Variants in ARL15 observed in about 807,000 individuals in gnomAD.
ARL15 encodes the protein ARF like GTPase 15.
Under a neutral mutation model 25.2 loss-of-function variants are expected in ARL15, and 19 were observed. That is an observed-to-expected ratio of 0.75 (90% confidence interval 0.53 to 1.10). The LOEUF is 1.10. ARL15 is among the 50% of genes least tolerant of loss of function. ARL15 has a pLI of 0.00. For missense variants in ARL15, 220 were observed against 246.0 expected (o/e 0.89, Z 0.71); for synonymous variants, 94 against 86.8 (o/e 1.08, Z -0.46).
At chr5:54,085,376 T>C (rs1751933154) in intron 4 of ARL15, among the ~76,000 whole-genome samples, 1 of 152,156 alleles carries the variant, frequency 6.6e-6, no homozygotes, top group Admixed American at 6.5e-5. Flanking sequence ...GCAAAGCAAT[T>C]TGAAATAGCA....
At chr5:53,891,743 T>C (rs1744715637) in intron 4 of ARL15, among the ~76,000 whole-genome samples, 1 of 152,018 alleles carries the variant, frequency 6.6e-6, no homozygotes, top group Non-Finnish European at 1.5e-5. Context: ...TGCGAGGTGG[T>C]TGTGGTGGGG....
intron 4 of ARL15, among the ~76,000 whole-genome samples, chr5:53,983,808 GGAT>G (rs1226602781): frequency 1.3e-5 from 2 of 152,106 alleles, no homozygotes; most frequent in East Asian, 3.9e-4. Flanking sequence ...GCCAGACTCC[GGAT>G]GATTCCCAAC....
chr5:54,136,978 TCTC>T (rs1753624678), intron 3 of ARL15, among the ~76,000 whole-genome samples: 1 of 152,010 alleles, frequency 6.6e-6, no homozygotes, highest in African/African-American at 2.4e-5. Flanking sequence ...CTCCAAACAT[TCTC>T]CTTCCAGCTA....
At chr5:54,004,120 C>T (rs1748940262) in intron 4 of ARL15, among the ~76,000 whole-genome samples, 1 of 152,122 alleles carries the variant, frequency 6.6e-6, no homozygotes, top group Non-Finnish European at 1.5e-5. Flanking sequence ...ACAGGAAGAA[C>T]TTTGCTTAAT....
intron 4 of ARL15, among the ~76,000 whole-genome samples, chr5:54,098,962 CA>C (rs1180770053): frequency 6.6e-6 from 1 of 152,128 alleles, no homozygotes. Context: ...GTGCGACATA[CA>C]CTTTAATATG....
At chr5:54,010,040 A>G (rs1749182559) in intron 4 of ARL15, among the ~76,000 whole-genome samples, 1 of 152,210 alleles carries the variant, frequency 6.6e-6, no homozygotes, top group South Asian at 2.1e-4. Context: ...TAAGGCCACA[A>G]AGAAAGGGAG....
chr5:53,925,997 CTTTTTTTTT>C (rs70986651), intron 4 of ARL15, among the ~76,000 whole-genome samples: 3 of 122,796 alleles, frequency 2.4e-5, no homozygotes, highest in Non-Finnish European at 3.4e-5. Context: ...TTTTTTCTTT[CTTTTTTTTT>C]TTTTTTTTTT....
intron 1 of ARL15, among the ~76,000 whole-genome samples, chr5:54,301,674 G>A (rs185676008): frequency 2.6e-5 from 4 of 152,282 alleles, no homozygotes; most frequent in Non-Finnish European, 4.4e-5. Context: ...GATTAGGAAC[G>A]GGTATAGACC....
intron 4 of ARL15, among the ~76,000 whole-genome samples, chr5:54,027,429 C>A (rs1181063232): frequency 6.6e-6 from 1 of 152,210 alleles, no homozygotes; most frequent in Non-Finnish European, 1.5e-5. Flanking sequence ...TAAGGCTCTG[C>A]AGCCCAGAAC....
At chr5:53,938,312 T>C (rs1181004379) in intron 4 of ARL15, among the ~76,000 whole-genome samples, 1 of 152,108 alleles carries the variant, frequency 6.6e-6, no homozygotes, top group East Asian at 1.9e-4. Context: ...GAATACTTAG[T>C]GAGCAATTAA....
chr5:54,207,818 G>T (rs62372180), intron 1 of ARL15, among the ~76,000 whole-genome samples: 2,711 of 152,192 alleles, frequency 0.018, 35 homozygotes, highest in Non-Finnish European at 0.025. Flanking sequence ...CAAGAGGATT[G>T]GTTCAGATCT....
At chr5:54,015,072 C>T (rs1749371769) in intron 4 of ARL15, among the ~76,000 whole-genome samples, 1 of 151,886 alleles carries the variant, frequency 6.6e-6, no homozygotes, top group African/African-American at 2.4e-5. Flanking sequence ...GCAGGTAGAT[C>T]ACCTGAAGTC....
At chr5:54,164,190 G>A (rs904601315) in intron 2 of ARL15, among the ~76,000 whole-genome samples, 3 of 150,930 alleles carry the variant, frequency 2.0e-5, no homozygotes, top group Non-Finnish European at 3.0e-5. Flanking sequence ...TTTTCTTCTT[G>A]TTATTGATTT....
chr5:54,152,803 G>C (rs1451979776), intron 3 of ARL15, among the ~76,000 whole-genome samples: 1 of 152,192 alleles, frequency 6.6e-6, no homozygotes, highest in Non-Finnish European at 1.5e-5. Flanking sequence ...TCAGGGAACA[G>C]CTCTTTCGGC....
chr5:53,975,885 A>G (rs575664865), intron 4 of ARL15, among the ~76,000 whole-genome samples: 15 of 152,224 alleles, frequency 9.9e-5, no homozygotes, highest in Middle Eastern at 6.8e-3. Flanking sequence ...CTGGGTGTGT[A>G]GCTATAATAA....
intron 4 of ARL15, among the ~76,000 whole-genome samples, chr5:54,063,060 C>G (rs10037344): frequency 6.6e-6 from 1 of 152,028 alleles, no homozygotes; most frequent in African/African-American, 2.4e-5. Context: ...TAGAATCATT[C>G]TACATAACTT....
intron 4 of ARL15, among the ~76,000 whole-genome samples, chr5:54,100,380 G>T (rs375441010): frequency 1.3e-5 from 2 of 152,078 alleles, no homozygotes; most frequent in Non-Finnish European, 2.9e-5. Flanking sequence ...TTAAAGAAAA[G>T]ATCTGAAACA....
At chr5:54,003,316 A>G (rs1266197062) in intron 4 of ARL15, among the ~76,000 whole-genome samples, 1 of 152,194 alleles carries the variant, frequency 6.6e-6, no homozygotes, top group African/African-American at 2.4e-5. Flanking sequence ...CTTTGCTTCA[A>G]ATTTGGCCAA....
At chr5:54,286,147 T>C (rs1374634098) in intron 1 of ARL15, 1 of 152,004 alleles carries the variant, frequency 6.6e-6, no homozygotes, top group Non-Finnish European at 1.5e-5. Context: ...CAAAATAAAA[T>C]TAGGATTTGT....
Sources: gnomAD v4.1 joint callset for allele counts (sites outside exome capture counted in the v4.1 genomes callset) on GRCh38, gnomAD v4.1.1 for gene constraint, MANE v1.5 for transcripts, NCBI Gene and HGNC (gene_info 2026-07-23, HGNC 2026-07-21) for gene names.